SLIT2: variants seen among roughly 807,000 people sequenced by gnomAD.
SLIT2 encodes slit homolog 2 protein.
A neutral mutation model predicts 185.7 loss-of-function variants in SLIT2; 41 were observed. The ratio of observed to expected loss-of-function variants is 0.22; its 90% CI spans 0.17 to 0.29. The LOEUF (loss-of-function observed/expected upper bound fraction) is 0.29, where lower values mean the gene tolerates loss of function less well. SLIT2 is among the 10% of genes least tolerant of loss of function. SLIT2 has a pLI of 1.00. For missense variants in SLIT2, 1,571 were observed against 1,909.0 expected (o/e 0.82, Z 3.30); for synonymous variants, 693 against 680.2 (o/e 1.02, Z -0.29).
chr4:20,581,268 C>T (rs1726541542), intron 29 of SLIT2, among the ~76,000 whole-genome samples: 2 of 152,118 alleles, frequency 1.3e-5, no homozygotes, highest in South Asian at 4.1e-4. Flanking sequence ...ATCCAGGTTT[C>T]CCTTTTTGAT....
At chr4:20,338,203 C>A (rs1434713800) in intron 4 of SLIT2, among the ~76,000 whole-genome samples, 1 of 152,126 alleles carries the variant, frequency 6.6e-6, no homozygotes, top group African/African-American at 2.4e-5. Flanking sequence ...ATAAGGATTT[C>A]TCTTCCCTTG....
At chr4:20,518,094 T>C (rs1197858377) in intron 11 of SLIT2, among the ~76,000 whole-genome samples, 6 of 134,210 alleles carry the variant, frequency 4.5e-5, no homozygotes, top group African/African-American at 1.0e-4. Context: ...TATATATATA[T>C]ACACACACAT....
chr4:20,443,582 TAAAAAAAAAAAAAA>T (rs71653885), intron 4 of SLIT2, among the ~76,000 whole-genome samples: 1 of 63,060 alleles, frequency 1.6e-5, no homozygotes, highest in Non-Finnish European at 2.8e-5. Flanking sequence ...GGAGAAAATC[TAAAAAAAAAAAAAA>T]AAAAAAAAAA....
At chr4:20,333,159 T>G (rs1720210462) in intron 4 of SLIT2, among the ~76,000 whole-genome samples, 1 of 152,112 alleles carries the variant, frequency 6.6e-6, no homozygotes, top group South Asian at 2.1e-4. Flanking sequence ...CATATTGAAA[T>G]GAAAGCCGTT....
Position 20,579,069 on chromosome 4 carries a change from G to A in SLIT2, c.3088+10065G>A, listed in dbSNP as rs571089890. 2.6e-4 allele frequency among the ~76,000 whole-genome samples: 40 copies of A among 152,162 alleles called. No individual in the cohort carries two copies. In the Middle Eastern group the frequency reaches 0.01, roughly 39 times the overall value. The stretch of plus-strand genomic sequence containing the variant: ...CTGGCACTTTGGGAGGCCGAGGCAG[G>A]TGGATCACGAGGTCAGGAGTTTGAG... On this transcript the variant is annotated intron_variant, in intron 29 of 36. Coordinates refer to ENST00000504154, the MANE Select transcript of SLIT2 (RefSeq NM_004787.4).
intron 11 of SLIT2, among the ~76,000 whole-genome samples, chr4:20,519,117 A>G (rs997844580): frequency 6.6e-6 from 1 of 152,180 alleles, no homozygotes; most frequent in African/African-American, 2.4e-5. Context: ...AAACATTTCT[A>G]TGAAACGGCA....
chr4:20,463,730 G>T (rs1276814164), intron 4 of SLIT2, among the ~76,000 whole-genome samples: 2 of 150,750 alleles, frequency 1.3e-5, no homozygotes, highest in African/African-American at 4.9e-5. Flanking sequence ...AAAAAAATTA[G>T]CCGGGCTTGG....
intron 4 of SLIT2, among the ~76,000 whole-genome samples, chr4:20,309,862 C>T (rs1392162228): frequency 3.3e-5 from 5 of 150,594 alleles, no homozygotes. Flanking sequence ...CGGGTTCATG[C>T]CATTCTCCTG....
chr4:20,335,733 T>C (rs543084969), intron 4 of SLIT2, among the ~76,000 whole-genome samples: 81 of 152,056 alleles, frequency 5.3e-4, no homozygotes, highest in Non-Finnish European at 8.5e-4. Context: ...CAAAGCAAAG[T>C]AGATTTGAGT....
chr4:20,535,538 A>G (rs1475110268), intron 18 of SLIT2, among the ~76,000 whole-genome samples: 1 of 152,034 alleles, frequency 6.6e-6, no homozygotes, highest in East Asian at 1.9e-4. Context: ...CTCCACCTGT[A>G]TGCATGTCTT....
At chr4:20,453,728 GA>G (rs1305937443) in intron 4 of SLIT2, among the ~76,000 whole-genome samples, 1 of 152,190 alleles carries the variant, frequency 6.6e-6, no homozygotes, top group Admixed American at 6.5e-5. Context: ...GGAGCAAACA[GA>G]AATATGCAGT....
intron 4 of SLIT2, among the ~76,000 whole-genome samples, chr4:20,436,751 G>A (rs1445532017): frequency 6.6e-6 from 1 of 152,140 alleles, no homozygotes; most frequent in African/African-American, 2.4e-5. Context: ...CGGAGAAATT[G>A]CTACAAAAAT....
At position 20,254,337 on chromosome 4, in the gene SLIT2, A is replaced by C. The variant is rs973748767; in HGVS notation, c.179+343A>C. The stretch of plus-strand genomic sequence containing the variant: ...CAAGTGAGACGCCACTTTGTTCTCC[A>C]GAGTCCATAAACGGAGTCACCTTGC... On this transcript the variant is annotated intron_variant, in intron 1 of 36. Coordinates refer to ENST00000504154, the MANE Select transcript of SLIT2 (RefSeq NM_004787.4). This position sits in a 1 kb window ranked among gnomAD's most constrained non-coding sequence, Gnocchi z 5.1. Among the ~76,000 whole-genome samples the C allele has an allele frequency of 2.0e-5, 3 of 152,184 alleles. No individual in the cohort carries two copies. Among genetic ancestry groups the C allele is most frequent in the African/African-American group, 7.2e-5 (3 of 41,448 alleles).
chr4:20,328,290 G>T (rs7683698), intron 4 of SLIT2, among the ~76,000 whole-genome samples: 132,077 of 152,122 alleles, frequency 0.87, 57,517 homozygotes, highest in African/African-American at 0.92. Context: ...ATTTTGCTAA[G>T]GCTTGAATTT....
intron 15 of SLIT2, among the ~76,000 whole-genome samples, chr4:20,526,522 G>A (rs1721311327): frequency 6.6e-6 from 1 of 152,102 alleles, no homozygotes; most frequent in Non-Finnish European, 1.5e-5. Flanking sequence ...TGGCAGTAAT[G>A]TAATTGGTAT....
intron 4 of SLIT2, among the ~76,000 whole-genome samples, chr4:20,402,300 G>A (rs958967776): frequency 5.9e-5 from 9 of 151,822 alleles, no homozygotes; most frequent in Non-Finnish European, 1.2e-4. Flanking sequence ...AAAATTAAGT[G>A]GCAGTCATTT....
chr4:20,283,580 A>G (rs576068454), intron 4 of SLIT2, among the ~76,000 whole-genome samples: 1 of 152,316 alleles, frequency 6.6e-6, no homozygotes, highest in South Asian at 2.1e-4. Flanking sequence ...TCTCACCAGG[A>G]CACTTAATAT....
intron 30 of SLIT2, among the ~76,000 whole-genome samples, chr4:20,594,883 A>G (rs1398996563): frequency 6.6e-6 from 1 of 152,178 alleles, no homozygotes; most frequent in African/African-American, 2.4e-5. Context: ...TCACCTGTAG[A>G]GTGGGCAAAG....
intron 16 of SLIT2, among the ~76,000 whole-genome samples, chr4:20,531,688 G>C (rs1444242439): frequency 6.6e-6 from 1 of 151,648 alleles, no homozygotes; most frequent in Admixed American, 6.6e-5. Context: ...CTTTTTAGTG[G>C]GGACGATAGT....
Sources: allele counts gnomAD v4.1 joint callset (sites outside exome capture counted in the v4.1 genomes callset), GRCh38; gene constraint gnomAD v4.1.1; non-coding constraint Gnocchi (gnomAD v3.1); transcripts MANE v1.5; gene names NCBI Gene and HGNC (gene_info 2026-07-23, HGNC 2026-07-21).